Variants in P4HA1 observed in about 807,000 individuals in gnomAD.
The protein encoded by P4HA1 is prolyl 4-hydroxylase subunit alpha 1.
Under a neutral mutation model 72.8 loss-of-function variants are expected in P4HA1, and 24 were observed. The observed-to-expected ratio is 0.33, with a 90% confidence interval of 0.24 to 0.46. The LOEUF is 0.46. Ranked by LOEUF, P4HA1 falls within the 20% of genes least tolerant of loss-of-function variation. The pLI, the probability that P4HA1 is intolerant of heterozygous loss-of-function variation, is 1.00. For synonymous variants in P4HA1, 201 were observed against 218.8 expected (o/e 0.92, Z 0.72); for missense variants, 446 against 640.6 (o/e 0.70, Z 3.28).
At chr10:73,016,560 T>G (rs1166888379) in intron 11 of P4HA1, among the ~76,000 whole-genome samples, 1 of 152,308 alleles carries the variant, frequency 6.6e-6, no homozygotes, top group South Asian at 2.1e-4. Flanking sequence ...GTGGATCACC[T>G]GAGGTCAGAA....
chr10:73,066,049 G>A (rs1264743303), intron 5 of P4HA1, among the ~76,000 whole-genome samples: 4 of 152,084 alleles, frequency 2.6e-5, no homozygotes, highest in Non-Finnish European at 5.9e-5. Flanking sequence ...GACAGGATAC[G>A]CACCAAGTTC....
At chr10:73,038,177 C>T (rs886259921) in intron 9 of P4HA1, among the ~76,000 whole-genome samples, 1 of 152,134 alleles carries the variant, frequency 6.6e-6, no homozygotes, top group Non-Finnish European at 1.5e-5. Context: ...ATTGCTTGAG[C>T]CTGGGAGGTG....
chr10:73,060,220 AAAG>A (rs1305021528), intron 5 of P4HA1, among the ~76,000 whole-genome samples: 1 of 152,220 alleles, frequency 6.6e-6, no homozygotes, highest in African/African-American at 2.4e-5. Flanking sequence ...AGTATGAATA[AAAG>A]AATAATCATG....
chr10:73,082,724 A>G (rs535061347), intron 1 of P4HA1: 16 of 151,792 alleles, frequency 1.1e-4, no homozygotes, highest in African/African-American at 3.9e-4. Context: ...CCTCATACAG[A>G]TCCCTTATTC....
chr10:73,013,071 C>T (rs1454853559), intron 12 of P4HA1, among the ~76,000 whole-genome samples: 1 of 152,200 alleles, frequency 6.6e-6, no homozygotes, highest in Non-Finnish European at 1.5e-5. Flanking sequence ...GTTGGGATTA[C>T]AGGCGTGTGT....
At chr10:73,089,516 T>C (rs750446970) in intron 1 of P4HA1, among the ~76,000 whole-genome samples, 4 of 152,100 alleles carry the variant, frequency 2.6e-5, no homozygotes, top group Non-Finnish European at 5.9e-5. Flanking sequence ...AACTTGTACA[T>C]GAATGCTCAT....
intron 9 of P4HA1, among the ~76,000 whole-genome samples, chr10:73,039,554 G>A (rs748749277): frequency 6.6e-6 from 1 of 152,068 alleles, no homozygotes; most frequent in Admixed American, 6.6e-5. Flanking sequence ...GGATCTGCCC[G>A]CCTGGGCCTC....
chr10:73,009,372 C>G (rs1393737931), intron 14 of P4HA1, among the ~76,000 whole-genome samples: 1 of 152,182 alleles, frequency 6.6e-6, no homozygotes, highest in African/African-American at 2.4e-5. Context: ...ACATTAGAAC[C>G]TGGTATCTAA....
intron 5 of P4HA1, among the ~76,000 whole-genome samples, chr10:73,067,401 C>G (rs940272673): frequency 3.9e-5 from 6 of 152,162 alleles, no homozygotes; most frequent in Non-Finnish European, 7.3e-5. Flanking sequence ...ATTTCCCTTA[C>G]AAACTTTTTA....
At chr10:73,088,522 C>T (rs894017370) in intron 1 of P4HA1, among the ~76,000 whole-genome samples, 2 of 152,218 alleles carry the variant, frequency 1.3e-5, no homozygotes, top group African/African-American at 4.8e-5. Context: ...GCCACCCACC[C>T]TGTTTCACTC....
At chr10:73,081,894 C>T (rs1841833512) in intron 1 of P4HA1, among the ~76,000 whole-genome samples, 1 of 152,098 alleles carries the variant, frequency 6.6e-6, no homozygotes, top group Non-Finnish European at 1.5e-5. Flanking sequence ...CGTGTGCCTC[C>T]AATTCCAGTA....
chr10:73,024,781 A>G (rs1589580940), intron 10 of P4HA1, among the ~76,000 whole-genome samples: 1 of 152,228 alleles, frequency 6.6e-6, no homozygotes, highest in Admixed American at 6.5e-5. Flanking sequence ...ATAATCAAAT[A>G]GACACAGTAA....
At chr10:73,079,859 C>T (rs545524119) in intron 1 of P4HA1, among the ~76,000 whole-genome samples, 39 of 152,260 alleles carry the variant, frequency 2.6e-4, no homozygotes, top group African/African-American at 8.9e-4. Flanking sequence ...ATTCTATTTC[C>T]TCCTACACTT....
chr10:73,088,699 T>G (rs938709170), intron 1 of P4HA1, among the ~76,000 whole-genome samples: 1 of 152,254 alleles, frequency 6.6e-6, no homozygotes. Flanking sequence ...CAGTGGATAC[T>G]TGGTGCCCAA....
At chr10:73,035,606 A>G (rs1281184818) in intron 9 of P4HA1, among the ~76,000 whole-genome samples, 7 of 152,200 alleles carry the variant, frequency 4.6e-5, no homozygotes, top group Non-Finnish European at 8.8e-5. Context: ...ATAATAGGTT[A>G]TTTCTAATTT....
At chr10:73,074,525 A>T (rs1481241808) in intron 2 of P4HA1, among the ~76,000 whole-genome samples, 1 of 152,162 alleles carries the variant, frequency 6.6e-6, no homozygotes, top group African/African-American at 2.4e-5. Flanking sequence ...CAGTAGATTA[A>T]GTGGAAAAAG....
chr10:73,035,392 C>T (rs1200999893), intron 9 of P4HA1, among the ~76,000 whole-genome samples: 1 of 152,148 alleles, frequency 6.6e-6, no homozygotes, highest in Non-Finnish European at 1.5e-5. Flanking sequence ...GGTGTGGTGG[C>T]ACAGGTTTAT....
At chr10:73,094,805 A>G (rs1465832784) in intron 1 of P4HA1, among the ~76,000 whole-genome samples, 2 of 152,220 alleles carry the variant, frequency 1.3e-5, no homozygotes, top group Admixed American at 6.5e-5. Context: ...ACAAGGCAAT[A>G]TAAAACTTTT....
chr10:73,046,824 T>C (rs1840876715), intron 8 of P4HA1, 101 bp downstream of exon 8: 1 of 862,938 alleles, frequency 1.2e-6, no homozygotes, highest in African/African-American at 1.7e-5. Flanking sequence ...CTTTAAAAAA[T>C]CTGTGGCATT....
Sources: allele counts gnomAD v4.1 joint callset (sites outside exome capture counted in the v4.1 genomes callset), GRCh38; gene constraint gnomAD v4.1.1; transcripts MANE v1.5; gene names NCBI Gene and HGNC (gene_info 2026-07-23, HGNC 2026-07-21).